EYS: variants seen among roughly 807,000 people sequenced by gnomAD.
The protein encoded by EYS is protein eyes shut homolog.
Under a neutral mutation model 282.1 loss-of-function variants are expected in EYS, and 250 were observed. That is an observed-to-expected ratio of 0.89 (90% CI 0.80 to 0.98). EYS has a LOEUF of 0.98. Ranked by LOEUF, EYS falls within the 50% of genes least tolerant of loss-of-function variation. EYS has a pLI of 0.00. For synonymous variants in EYS, 1,355 were observed against 1,282.9 expected (o/e 1.06, Z -1.20); for missense variants, 4,016 against 3,709.0 (o/e 1.08, Z -2.15).
chr6:65,075,509 A>G (rs2150168409), intron 12 of EYS, among the ~76,000 whole-genome samples: 1 of 152,006 alleles, frequency 6.6e-6, no homozygotes, highest in Middle Eastern at 3.4e-3. Context: ...AAGCTTTTTA[A>G]AGGAAGAGCC....
intron 7 of EYS, among the ~76,000 whole-genome samples, chr6:65,401,415 T>C (rs1766489589): frequency 6.6e-6 from 1 of 151,200 alleles, no homozygotes; most frequent in African/African-American, 2.4e-5. Context: ...TTTAAGTTGA[T>C]CACTTTTCTA....
chr6:64,944,832 C>T (rs746798808), intron 15 of EYS, among the ~76,000 whole-genome samples: 1 of 152,100 alleles, frequency 6.6e-6, no homozygotes, highest in Admixed American at 6.6e-5. Context: ...TGCAGCAATG[C>T]TGCCTTGTTA....
intron 5 of EYS, among the ~76,000 whole-genome samples, chr6:65,411,893 T>C (rs1157186231): frequency 1.3e-5 from 2 of 151,996 alleles, no homozygotes; most frequent in African/African-American, 4.8e-5. Flanking sequence ...CATTCACTTA[T>C]TGAAGGACAC....
intron 36 of EYS, among the ~76,000 whole-genome samples, chr6:63,844,026 C>T (rs1268502633): frequency 6.6e-6 from 1 of 152,114 alleles, no homozygotes; most frequent in Non-Finnish European, 1.5e-5. Context: ...CCCTGACAGG[C>T]CCCACTGTGT....
At chr6:63,971,547 T>C (rs1156806203) in intron 35 of EYS, among the ~76,000 whole-genome samples, 1 of 152,188 alleles carries the variant, frequency 6.6e-6, no homozygotes, top group Non-Finnish European at 1.5e-5. Context: ...GAAGAAAATG[T>C]CATTCTACAA....
At chr6:64,948,620 G>T (rs1313613267) in intron 14 of EYS, among the ~76,000 whole-genome samples, 5 of 146,480 alleles carry the variant, frequency 3.4e-5, no homozygotes, top group Admixed American at 1.4e-4. Flanking sequence ...TTAAATAATA[G>T]TAAATACTAG....
chr6:65,579,051 T>C (rs1339422237), intron 2 of EYS, among the ~76,000 whole-genome samples: 2 of 152,142 alleles, frequency 1.3e-5, no homozygotes, highest in Non-Finnish European at 2.9e-5. Flanking sequence ...TTACTTTTGC[T>C]CTGACTGGAT....
At chr6:63,845,341 C>T (rs192929565) in intron 36 of EYS, among the ~76,000 whole-genome samples, 6 of 151,928 alleles carry the variant, frequency 3.9e-5, no homozygotes, top group South Asian at 2.1e-4. Context: ...ACAACACTAA[C>T]AGTTCAAACT....
intron 5 of EYS, among the ~76,000 whole-genome samples, chr6:65,473,694 T>C (rs191893551): frequency 2.6e-4 from 39 of 152,132 alleles, no homozygotes; most frequent in Non-Finnish European, 4.4e-4. Flanking sequence ...TGAAAAAATT[T>C]AGCTTCAGCA....
At chr6:65,692,234 G>C (rs1241050487) in intron 1 of EYS, among the ~76,000 whole-genome samples, 1 of 150,142 alleles carries the variant, frequency 6.7e-6, no homozygotes, top group East Asian at 2.3e-4. Flanking sequence ...TGAACATAGA[G>C]CGTGGAATAA....
At chr6:65,602,219 G>A (rs1328188572) in intron 2 of EYS, among the ~76,000 whole-genome samples, 1 of 151,736 alleles carries the variant, frequency 6.6e-6, no homozygotes, top group East Asian at 1.9e-4. Context: ...TCAACAAGAT[G>A]TACACAAAAG....
chr6:64,829,814 C>A (rs1765162814), intron 19 of EYS, among the ~76,000 whole-genome samples: 1 of 151,934 alleles, frequency 6.6e-6, no homozygotes, highest in Non-Finnish European at 1.5e-5. Flanking sequence ...GATGTGCCAT[C>A]CTTCTTTGTG....
intron 37 of EYS, among the ~76,000 whole-genome samples, chr6:63,792,422 T>C (rs1473102454): frequency 6.6e-6 from 1 of 152,098 alleles, no homozygotes; most frequent in Non-Finnish European, 1.5e-5. Flanking sequence ...GGAATTGTTC[T>C]AGAGTGTTTC....
At chr6:64,435,725 A>AT (rs1774720361) in intron 28 of EYS, among the ~76,000 whole-genome samples, 1 of 151,928 alleles carries the variant, frequency 6.6e-6, no homozygotes, top group Non-Finnish European at 1.5e-5. Flanking sequence ...GCATTTGGGG[A>AT]TAGGGTCACC....
intron 33 of EYS, among the ~76,000 whole-genome samples, chr6:64,057,336 G>A (rs1006455925): frequency 8.6e-5 from 13 of 151,384 alleles, no homozygotes; most frequent in African/African-American, 2.9e-4. Context: ...TTGTTGAGGA[G>A]GAATCTGGCA....
intron 26 of EYS, among the ~76,000 whole-genome samples, chr6:64,499,245 A>G: frequency 6.6e-6 from 1 of 152,198 alleles, no homozygotes; most frequent in East Asian, 1.9e-4. Context: ...ATGTATAGCT[A>G]ACTTTATTTC....
intron 26 of EYS, among the ~76,000 whole-genome samples, chr6:64,551,271 G>C (rs1765073095): frequency 6.7e-6 from 1 of 150,090 alleles, no homozygotes; most frequent in African/African-American, 2.4e-5. Flanking sequence ...TCTGATTTTA[G>C]GTGAATAAAA....
chr6:64,776,956 A>G (rs4501411), intron 22 of EYS, among the ~76,000 whole-genome samples: 70,567 of 152,100 alleles, frequency 0.46, 19,020 homozygotes, highest in Admixed American at 0.62. Flanking sequence ...TAATTGACTC[A>G]CAGTTCGGCA....
intron 12 of EYS, among the ~76,000 whole-genome samples, chr6:65,058,618 G>A (rs1773484086): frequency 6.6e-6 from 1 of 150,614 alleles, no homozygotes; most frequent in Admixed American, 6.7e-5. Flanking sequence ...AGCCTATATG[G>A]AAAGAAAACA....
Sources: allele counts gnomAD v4.1 joint callset (sites outside exome capture counted in the v4.1 genomes callset), GRCh38; gene constraint gnomAD v4.1.1; transcripts MANE v1.5; gene names NCBI Gene and HGNC (gene_info 2026-07-23, HGNC 2026-07-21).